The following GRID2 variants were observed in gnomAD, a reference collection of about 807,000 sequenced individuals.
The protein encoded by GRID2 is glutamate receptor ionotropic, delta-2.
Under a neutral mutation model 114.8 loss-of-function variants are expected in GRID2, and 33 were observed. The ratio of observed to expected loss-of-function variants is 0.29; its 90% confidence interval spans 0.22 to 0.38. The LOEUF (loss-of-function observed/expected upper bound fraction) is 0.38, where lower values mean the gene tolerates loss of function less well. Among genes scored for constraint, GRID2 ranks in the 10% least tolerant of loss-of-function variants. The pLI is 1.00. For synonymous variants in GRID2, 505 were observed against 449.9 expected, an observed-to-expected ratio of 1.12 and a Z score of -1.55; for missense variants, 1,184 against 1,257.7, an observed-to-expected ratio of 0.94 and a Z score of 0.89.
intron 14 of GRID2, among the ~76,000 whole-genome samples, chr4:93,741,971 G>T (rs1731459767): frequency 1.3e-5 from 2 of 151,810 alleles, no homozygotes; most frequent in South Asian, 4.2e-4. Flanking sequence ...TTCATGTGTG[G>T]GTGTATAACA....
intron 14 of GRID2, among the ~76,000 whole-genome samples, chr4:93,651,187 T>C (rs1436850300): frequency 6.6e-6 from 1 of 152,148 alleles, no homozygotes; most frequent in East Asian, 1.9e-4. Context: ...TTTGTCAACA[T>C]TGAAAATCCA....
At chr4:92,711,413 C>G (rs1023721233) in intron 2 of GRID2, among the ~76,000 whole-genome samples, 7 of 152,142 alleles carry the variant, frequency 4.6e-5, no homozygotes, top group Non-Finnish European at 8.8e-5. Flanking sequence ...GAATCCATTT[C>G]TTTGTGAAAG....
chr4:92,895,025 A>T (rs1747058949), intron 2 of GRID2, among the ~76,000 whole-genome samples: 3 of 151,908 alleles, frequency 2.0e-5, no homozygotes. Context: ...GTTATGTTAA[A>T]CCTGTCTCCC....
At chr4:93,072,531 C>A (rs1463439439) in intron 2 of GRID2, among the ~76,000 whole-genome samples, 1 of 151,918 alleles carries the variant, frequency 6.6e-6, no homozygotes, top group Non-Finnish European at 1.5e-5. Flanking sequence ...ACTATGGCTG[C>A]AGGGGACCAG....
chr4:92,456,019 T>C (rs1721195431), intron 1 of GRID2, among the ~76,000 whole-genome samples: 1 of 152,188 alleles, frequency 6.6e-6, no homozygotes, highest in African/African-American at 2.4e-5. Context: ...TATCAGTTGG[T>C]GGACGATATG....
intron 2 of GRID2, among the ~76,000 whole-genome samples, chr4:92,796,779 C>CT (rs1252080249): frequency 2.6e-5 from 4 of 151,798 alleles, no homozygotes; most frequent in Non-Finnish European, 5.9e-5. Flanking sequence ...TCAAACCATC[C>CT]TTTGCTGGGA....
intron 2 of GRID2, among the ~76,000 whole-genome samples, chr4:92,929,245 C>G (rs954468070): frequency 1.3e-5 from 2 of 151,160 alleles, no homozygotes; most frequent in African/African-American, 4.8e-5. Context: ...ATAAAACTGT[C>G]TCTTCATAGC....
intron 1 of GRID2, among the ~76,000 whole-genome samples, chr4:92,489,608 G>A (rs1269873105): frequency 2.0e-5 from 3 of 152,166 alleles, no homozygotes; most frequent in African/African-American, 7.2e-5. Context: ...CACTTTGGGA[G>A]GCCAAGGCGG....
intron 8 of GRID2, among the ~76,000 whole-genome samples, chr4:93,391,479 G>A (rs1381527977): frequency 6.6e-6 from 1 of 152,120 alleles, no homozygotes; most frequent in Non-Finnish European, 1.5e-5. Context: ...TGGATATTTT[G>A]TGTCCGGCAG....
At chr4:92,931,833 T>C (rs1464650803) in intron 2 of GRID2, among the ~76,000 whole-genome samples, 1 of 151,248 alleles carries the variant, frequency 6.6e-6, no homozygotes, top group East Asian at 1.9e-4. Context: ...TGCAGTCAAT[T>C]GTTTTTTGAC....
chr4:93,741,579 C>G (rs1236227654), intron 14 of GRID2, among the ~76,000 whole-genome samples: 1 of 152,054 alleles, frequency 6.6e-6, no homozygotes, highest in Non-Finnish European at 1.5e-5. Flanking sequence ...ACACATTATT[C>G]TTAAATTTTT....
chr4:92,520,942 G>A (rs1724739810), intron 1 of GRID2, among the ~76,000 whole-genome samples: 2 of 151,858 alleles, frequency 1.3e-5, no homozygotes, highest in Non-Finnish European at 2.9e-5. Flanking sequence ...AGTGAATGAT[G>A]CCACTTCCAT....
chr4:92,795,667 G>C (rs1040786705), intron 2 of GRID2, among the ~76,000 whole-genome samples: 1 of 151,914 alleles, frequency 6.6e-6, no homozygotes, highest in African/African-American at 2.4e-5. Flanking sequence ...CCTATTCCTA[G>C]AAGTATCCAT....
intron 2 of GRID2, among the ~76,000 whole-genome samples, chr4:92,871,573 C>G (rs894407541): frequency 1.4e-4 from 21 of 152,126 alleles, no homozygotes; most frequent in African/African-American, 4.8e-4. Flanking sequence ...GCTATGACAT[C>G]AGGGCAGAGT....
intron 2 of GRID2, among the ~76,000 whole-genome samples, chr4:92,604,541 GGAGA>G (rs1191693751): frequency 6.6e-6 from 1 of 151,982 alleles, no homozygotes; most frequent in African/African-American, 2.4e-5. Flanking sequence ...TGGGGGTTAT[GGAGA>G]GAGAAAGCAT....
In GRID2 at chr4:93,690,224, G is replaced by T. The variant is rs111585466; in HGVS notation, c.2360+63789G>T. On this transcript the variant is annotated intron_variant, in intron 14 of 15. Coordinates refer to ENST00000282020, the MANE Select transcript of GRID2 (RefSeq NM_001510.4). Reference sequence around the variant, plus strand: ...CTATATGTGAAACAACCTTGTGGGGGTACATACATATAAAATATGCTTTCT... The same window carrying T: ...CTATATGTGAAACAACCTTGTGGGGTTACATACATATAAAATATGCTTTCT... 3.7e-3 allele frequency among the ~76,000 whole-genome samples: 556 copies of T among 151,996 alleles called. 4 individuals carry two copies. The highest frequency in any genetic ancestry group is 0.013 in the African/African-American group (535 of 41,488).
chr4:92,646,981 T>A (rs1052824165), intron 2 of GRID2, among the ~76,000 whole-genome samples: 92 of 152,138 alleles, frequency 6.0e-4, no homozygotes, highest in Non-Finnish European at 2.5e-4. Context: ...AGTATCCAAC[T>A]GTTTTTGTAA....
intron 2 of GRID2, among the ~76,000 whole-genome samples, chr4:93,071,507 G>A (rs1338722834): frequency 6.6e-6 from 1 of 152,040 alleles, no homozygotes; most frequent in East Asian, 1.9e-4. Context: ...TAACTATTAA[G>A]GAAAATATTA....
chr4:92,465,336 T>C (rs1721695408), intron 1 of GRID2, among the ~76,000 whole-genome samples: 1 of 152,002 alleles, frequency 6.6e-6, no homozygotes, highest in South Asian at 2.1e-4. Context: ...GTTATGTAAT[T>C]AACATTCATA....
Sources: allele counts gnomAD v4.1 joint callset (sites outside exome capture counted in the v4.1 genomes callset), GRCh38; gene constraint gnomAD v4.1.1; transcripts MANE v1.5; gene names NCBI Gene and HGNC (gene_info 2026-07-23, HGNC 2026-07-21).